LAMB1: variants seen among roughly 807,000 people sequenced by gnomAD.
LAMB1 encodes laminin subunit beta 1.
Under a neutral mutation model 222.3 loss-of-function variants are expected in LAMB1, and 121 were observed. That is an observed-to-expected ratio of 0.54 (90% CI 0.47 to 0.63). The LOEUF (loss-of-function observed/expected upper bound fraction) is 0.63, where lower values mean the gene tolerates loss of function less well. Ranked by LOEUF, LAMB1 falls within the 30% of genes least tolerant of loss-of-function variation. LAMB1 has a pLI of 0.00. For synonymous variants in LAMB1, 794 were observed against 807.2 expected (o/e 0.98, Z 0.28); for missense variants, 2,172 against 2,240.8 (o/e 0.97, Z 0.62).
intron 2 of LAMB1, chr7:108,002,472 G>A: frequency 7.9e-7 from 1 of 1,260,514 alleles, no homozygotes; most frequent in Non-Finnish European, 1.0e-6. Flanking sequence ...GCTCAGCTCA[G>A]GCACTCTCCT....
intron 29 of LAMB1, 77 bp downstream of exon 29, chr7:107,931,279 A>C (rs2032703805): frequency 1.5e-6 from 2 of 1,337,946 alleles, no homozygotes; most frequent in Non-Finnish European, 2.1e-6. Flanking sequence ...CCCTGACAGA[A>C]ATGGATTTTA....
At chr7:107,948,100 C>G (rs2033158983) in intron 24 of LAMB1, among the ~76,000 whole-genome samples, 1 of 149,712 alleles carries the variant, frequency 6.7e-6, no homozygotes, top group Non-Finnish European at 1.5e-5. Context: ...GATTCTCATG[C>G]CTCAGCCTCC....
In LAMB1 at chr7:107,932,159, CA is replaced by C; in HGVS notation, c.4392+14del. The C allele has an allele frequency of 6.2e-7, 1 of 1,612,934 alleles. No individual in the cohort carries two copies. The highest frequency in any genetic ancestry group is 8.5e-7 in the Non-Finnish European group (1 of 1,178,844). On this transcript the variant is annotated intron_variant, in intron 28 of 33. Transcript: ENST00000222399. ...AAACATACATAACAAAAACTGAGGC[CA>C]TCCACTGAGTTACCATCTTGGAGAG...
intron 6 of LAMB1, 45 bp from the exon 7 acceptor site, chr7:107,986,130 A>G (rs2034072261): frequency 1.2e-6 from 2 of 1,610,798 alleles, no homozygotes; most frequent in East Asian, 2.2e-5. Flanking sequence ...CAATAATCAA[A>G]AAGTAGATTT....
At position 107,975,694 on chromosome 7, in the gene LAMB1, C is replaced by T. The variant is rs2033839810; in HGVS notation, c.1184G>A (p.Cys395Tyr). The change falls in exon 10 of 34, where the codon TGT becomes TAT. Residue 395 changes from cysteine (C) to tyrosine (Y), a missense_variant. Cys to Tyr is a radical substitution (Grantham distance 194, BLOSUM62 -2). Coordinates refer to ENST00000222399, the MANE Select transcript of LAMB1 (RefSeq NM_002291.3). ...AGTGACATTTCTCAACATACGTTCA[C>T]AGAAATTAGGATCTCGGATGTCCCT... ...PERDIRDPNF[C>Y]ERCTCDPAGS... is the part of the protein sequence containing the mutation. 2 of 1,609,924 alleles carry T rather than the reference C, an allele frequency of 1.2e-6. No homozygotes were observed. Among genetic ancestry groups the T allele is most frequent in the Non-Finnish European group, 1.7e-6 (2 of 1,177,498 alleles).
Position 107,961,570 on chromosome 7 carries a change from A to G in LAMB1, c.1964T>C (p.Val655Ala). ...NTIPDDDNQV[V>A]SLSPGSRYVV... ...TGACCTTGAGCCTGGTGATAATGAC[A>G]CCACCTGGTTGTCATCATCGGGGAT... is the stretch of plus-strand genomic sequence containing the variant. Residue 655 changes from valine to alanine, a missense_variant, in exon 16 of 34, where the codon GTG (valine) becomes GCG (alanine). Val to Ala is a moderately conservative substitution (Grantham distance 64). Transcript: ENST00000222399. 2 of 1,613,940 alleles carry G rather than the reference A, an allele frequency of 1.2e-6. No homozygotes were observed. The highest frequency in any genetic ancestry group is 1.7e-6 in the Non-Finnish European group (2 of 1,179,844).
chr7:107,970,981 G>A (rs1311315056), intron 13 of LAMB1, among the ~76,000 whole-genome samples: 2 of 152,074 alleles, frequency 1.3e-5, no homozygotes, highest in African/African-American at 2.4e-5. Flanking sequence ...GATCTGGCGC[G>A]CCGGCCTCCC....
chr7:107,935,714 A>G (rs1199028579), intron 26 of LAMB1, 58 bp from the exon 27 acceptor site: 37 of 1,577,578 alleles, frequency 2.3e-5, no homozygotes, highest in Admixed American at 1.2e-4. Flanking sequence ...CTTCCTCCCC[A>G]AGCAGTGTCT....
chr7:107,936,894 A>G (rs2032860437), intron 26 of LAMB1, among the ~76,000 whole-genome samples, 199 bp downstream of exon 26: 1 of 152,110 alleles, frequency 6.6e-6, no homozygotes, highest in South Asian at 2.1e-4. Flanking sequence ...GACCTTTGCT[A>G]TGTCTCTTAG....
chr7:107,958,715 C>T (rs2150426581), intron 20 of LAMB1, among the ~76,000 whole-genome samples: 1 of 152,264 alleles, frequency 6.6e-6, no homozygotes, highest in Non-Finnish European at 1.5e-5. Flanking sequence ...TATATTCTCT[C>T]TCCTATTCTT....
At chr7:107,925,349 T>G (rs761618099) in intron 32 of LAMB1, among the ~76,000 whole-genome samples, 3 of 152,098 alleles carry the variant, frequency 2.0e-5, no homozygotes, top group Non-Finnish European at 4.4e-5. Flanking sequence ...TGACATTAGA[T>G]TCTCATAGGA....
chr7:107,946,056 ATCC>A (rs1195296981), intron 24 of LAMB1, among the ~76,000 whole-genome samples: 1 of 152,134 alleles, frequency 6.6e-6, no homozygotes, highest in Non-Finnish European at 1.5e-5. Context: ...TGGGCTGATT[ATCC>A]TCCTTTTTGT....
chr7:107,929,321 C>A, intron 30 of LAMB1, 91 bp downstream of exon 30: 2 of 1,500,334 alleles, frequency 1.3e-6, no homozygotes, highest in South Asian at 1.2e-5. Flanking sequence ...TCGCATAGGT[C>A]CTTCTTAGAA....
At chr7:107,959,224 C>T in intron 20 of LAMB1, 25 bp downstream of exon 20, 2 of 1,572,628 alleles carry the variant, frequency 1.3e-6, no homozygotes, top group Non-Finnish European at 1.7e-6. Flanking sequence ...TCACTACATT[C>T]TCCTTACTTT....
chr7:107,956,859 C>T (rs1449157940), intron 20 of LAMB1, among the ~76,000 whole-genome samples: 1 of 152,168 alleles, frequency 6.6e-6, no homozygotes, highest in Non-Finnish European at 1.5e-5. Context: ...ATGTCAATCC[C>T]ACTCTTTAAA....
At chr7:107,980,079 G>A (rs1292878376) in intron 8 of LAMB1, among the ~76,000 whole-genome samples, 1 of 152,026 alleles carries the variant, frequency 6.6e-6, no homozygotes, top group African/African-American at 2.4e-5. Flanking sequence ...ATGGTGGTGT[G>A]GGCCTATAAT....
At chr7:107,954,137 T>C (rs1456032000) in intron 21 of LAMB1, among the ~76,000 whole-genome samples, 4 of 152,004 alleles carry the variant, frequency 2.6e-5, no homozygotes, top group Admixed American at 2.0e-4. Context: ...CATAGCTTCA[T>C]GTAGAAATCC....
Position 107,959,400 on chromosome 7 carries a change from A to G in LAMB1, c.2539T>C (p.Tyr847His), listed in dbSNP as rs1246128648. ...AAGCACCGATCACACTGCCGAGCAT[A>G]CACTCCCTGGAAACAGTGGCACTGG... The part of the protein sequence containing the change: ...TGQCHCFQGV[Y>H]ARQCDRCLPG... The change falls in exon 20 of 34, where the codon TAT becomes CAT. Residue 847 changes from tyrosine to histidine, a missense_variant. Coordinates refer to ENST00000222399, the MANE Select transcript of LAMB1 (RefSeq NM_002291.3). 13 of 1,614,236 alleles carry G rather than the reference A, an allele frequency of 8.1e-6. No individual in the cohort carries two copies. The highest frequency in any genetic ancestry group is 1.1e-5 in the Non-Finnish European group (13 of 1,180,042).
chr7:107,935,357 T>A, intron 27 of LAMB1, 58 bp downstream of exon 27: 1 of 452,736 alleles, frequency 2.2e-6, no homozygotes, highest in Non-Finnish European at 3.0e-6. Flanking sequence ...GTTTTTTTTT[T>A]TTTTTTTTTT....
Sources: gnomAD v4.1 joint callset for allele counts (sites outside exome capture counted in the v4.1 genomes callset) on GRCh38, gnomAD v4.1.1 for gene constraint, MANE v1.5 for transcripts, NCBI Gene and HGNC (gene_info 2026-07-23, HGNC 2026-07-21) for gene names.